KIRREL3: variants seen among roughly 807,000 people sequenced by gnomAD.
KIRREL3 encodes kirre like nephrin family adhesion molecule 3.
KIRREL3 carries 36 observed loss-of-function variants against 89.7 expected under a neutral mutation model. That is an observed-to-expected ratio of 0.40 (90% CI 0.31 to 0.53). The LOEUF (loss-of-function observed/expected upper bound fraction) is 0.53. Among genes scored for constraint, KIRREL3 ranks in the 20% least tolerant of loss-of-function variants. KIRREL3 has a pLI of 0.49. For missense variants in KIRREL3, 864 were observed against 1,056.6 expected (o/e 0.82, Z 2.53); for synonymous variants, 445 against 441.4 (o/e 1.01, Z -0.10).
At chr11:126,644,085 A>C (rs1052105050) in intron 1 of KIRREL3, among the ~76,000 whole-genome samples, 3 of 152,206 alleles carry the variant, frequency 2.0e-5, no homozygotes, top group Non-Finnish European at 2.9e-5. Flanking sequence ...TCAGCCTCAT[A>C]GGGTTAATGG....
intron 1 of KIRREL3, among the ~76,000 whole-genome samples, chr11:126,693,619 A>ACG (rs1449052516): frequency 6.6e-6 from 1 of 151,520 alleles, no homozygotes; most frequent in African/African-American, 2.4e-5. Context: ...ACACACACAC[A>ACG]CACACACACA....
intron 4 of KIRREL3, among the ~76,000 whole-genome samples, chr11:126,481,600 C>G (rs899428920): frequency 1.3e-5 from 2 of 152,234 alleles, no homozygotes; most frequent in African/African-American, 4.8e-5. Flanking sequence ...GGGGGTCTTT[C>G]TGGATTCCAC....
intron 4 of KIRREL3, among the ~76,000 whole-genome samples, chr11:126,504,931 A>G (rs554481719): frequency 1.3e-5 from 2 of 152,378 alleles, no homozygotes; most frequent in Admixed American, 1.3e-4. Flanking sequence ...AGATGCAGAA[A>G]AAAACATTTC....
intron 1 of KIRREL3, among the ~76,000 whole-genome samples, chr11:126,874,825 G>C (rs1000118243): frequency 6.6e-6 from 1 of 152,134 alleles, no homozygotes; most frequent in Non-Finnish European, 1.5e-5. Context: ...AACATCAAAG[G>C]TGAAGCAACG....
intron 4 of KIRREL3, among the ~76,000 whole-genome samples, chr11:126,511,707 C>T (rs777322774): frequency 1.7e-4 from 26 of 152,338 alleles, no homozygotes; most frequent in Admixed American, 8.5e-4. Flanking sequence ...CCTAAACTCC[C>T]TCTGAGGATG....
At position 126,817,431 on chromosome 11, in the gene KIRREL3, C is replaced by G. The variant is rs2134442423; in HGVS notation, c.55+183024G>C. Among the ~76,000 whole-genome samples the G allele has an allele frequency of 6.6e-6, 1 of 152,318 alleles. No homozygotes were observed. The highest frequency in any genetic ancestry group is 2.1e-4 in the South Asian group (1 of 4,824). On this transcript the variant is annotated intron_variant, in intron 1 of 16. Transcript: ENST00000525144. This position sits in a 1 kb window ranked among gnomAD's most constrained non-coding sequence, Gnocchi z 5.7. ...GCGAGTGACTGAGGGCTTCAGCTTC[C>G]TCATTGTGGGGGACAGAAGGGGATG... is the stretch of plus-strand genomic sequence containing the variant.
intron 1 of KIRREL3, among the ~76,000 whole-genome samples, chr11:126,700,064 C>T (rs547489821): frequency 3.9e-4 from 59 of 152,144 alleles, no homozygotes; most frequent in South Asian, 8.3e-4. Context: ...CGTGGTGGCT[C>T]ATGCCTGTGG....
At position 126,987,325 on chromosome 11, in the gene KIRREL3, T is replaced by TA. The variant is rs1411131557; in HGVS notation, c.55+13129dup. On this transcript the variant is annotated intron_variant, in intron 1 of 16. Transcript: ENST00000525144. The surrounding 1 kb of genome is among the most constrained non-coding windows in gnomAD (Gnocchi z 4.6). ...ATGAACAAGACTAAGACAATTTAACTAAAAAATACAACCGTCTATGTATTT... is the reference window on the plus strand; with the variant it reads ...ATGAACAAGACTAAGACAATTTAACTAAAAAAATACAACCGTCTATGTATTT... Among the ~76,000 whole-genome samples, 1 of 152,170 alleles carries TA rather than the reference T, an allele frequency of 6.6e-6. No homozygotes were observed. Among genetic ancestry groups the TA allele is most frequent in the Non-Finnish European group, 1.5e-5 (1 of 68,030 alleles).
chr11:126,768,983 G>A lies in KIRREL3; in HGVS notation c.56-206071C>T, dbSNP rs1949935206. Among the ~76,000 whole-genome samples, 1 of 152,192 alleles carries A rather than the reference G, an allele frequency of 6.6e-6. No homozygotes were observed. Among genetic ancestry groups the A allele is most frequent in the Non-Finnish European group, 1.5e-5 (1 of 68,042 alleles). On this transcript the variant is annotated intron_variant, in intron 1 of 16. Transcript: ENST00000525144. The surrounding 1 kb of genome is among the most constrained non-coding windows in gnomAD (Gnocchi z 4.5). ...TCTCAACATCTTTTTACATGATCACGACTTGCAGTTTCCCAAATACACATT... is the reference window on the plus strand; with the variant it reads ...TCTCAACATCTTTTTACATGATCACAACTTGCAGTTTCCCAAATACACATT...
At position 126,736,900 on chromosome 11, in the gene KIRREL3, T is replaced by C. The variant is rs572711834; in HGVS notation, c.56-173988A>G. On this transcript the variant is annotated intron_variant, in intron 1 of 16. Coordinates refer to ENST00000525144, the MANE Select transcript of KIRREL3 (RefSeq NM_032531.4). The surrounding 1 kb of genome is among the most constrained non-coding windows in gnomAD (Gnocchi z 5.0). ...CTCAAAGGGAGTGCCCCAGACTGGC[T>C]GTCACAAGCATGGTGTGGAAAGGTC... Among the ~76,000 whole-genome samples the C allele has an allele frequency of 9.2e-5, 14 of 152,298 alleles. No homozygotes were observed. The South Asian group carries it at 2.9e-3, about 32-fold the overall frequency.
rs1944620400 is a variant in KIRREL3 at position 126,645,210 on chromosome 11, A to T, written c.56-82298T>A. ...TGAAGGGATGCAGACTGACATCGTA[A>T]CAATTCAAATGCTAATGAAATATTC... On this transcript the variant is annotated intron_variant, in intron 1 of 16. Coordinates refer to ENST00000525144, the MANE Select transcript of KIRREL3 (RefSeq NM_032531.4). The surrounding 1 kb of genome is among the most constrained non-coding windows in gnomAD (Gnocchi z 4.9). Among the ~76,000 whole-genome samples, 1 of 152,224 alleles carries T rather than the reference A, an allele frequency of 6.6e-6. No homozygotes were observed. Among genetic ancestry groups the T allele is most frequent in the Admixed American group, 6.5e-5 (1 of 15,288 alleles).
intron 1 of KIRREL3, among the ~76,000 whole-genome samples, chr11:126,585,507 C>A (rs1161398971): frequency 6.8e-6 from 1 of 147,174 alleles, no homozygotes; most frequent in Non-Finnish European, 1.5e-5. Context: ...GTGTTGGAAT[C>A]ACAGGCATGA....
Position 126,610,003 on chromosome 11 carries a change from A to G in KIRREL3, c.56-47091T>C, listed in dbSNP as rs1245177040. ...CTTCCTTTTACAGATGAAGAAACTG[A>G]GGCTCAGGGAGGTTAAGTAAATGAG... On this transcript the variant is annotated intron_variant, in intron 1 of 16. Transcript: ENST00000525144. This position sits in a 1 kb window ranked among gnomAD's most constrained non-coding sequence, Gnocchi z 4.6. 1.3e-5 allele frequency among the ~76,000 whole-genome samples: 2 copies of G among 152,202 alleles called. No homozygotes were observed. The highest frequency in any genetic ancestry group is 2.9e-5 in the Non-Finnish European group (2 of 68,038).
In KIRREL3 at chr11:126,657,055, C is replaced by CAA. The variant is rs199814288; in HGVS notation, c.56-94145_56-94144dup. 3.4e-5 allele frequency among the ~76,000 whole-genome samples: 5 copies of CAA among 145,664 alleles called. No homozygotes were observed. In the South Asian group the frequency reaches 6.6e-4, roughly 19 times the overall value. ...TGGGCAATGGAGTGAGACTGTGTCT[C>CAA]AAAAAAAAAGAAACAAAAAAAAACA... On this transcript the variant is annotated intron_variant, in intron 1 of 16. Coordinates refer to ENST00000525144, the MANE Select transcript of KIRREL3 (RefSeq NM_032531.4).
In KIRREL3 at chr11:126,811,713, A is replaced by C. The variant is rs1331011704; in HGVS notation, c.55+188742T>G. Among the ~76,000 whole-genome samples the C allele has an allele frequency of 6.6e-6, 1 of 152,088 alleles. No individual in the cohort carries two copies. The highest frequency in any genetic ancestry group is 1.5e-5 in the Non-Finnish European group (1 of 68,012). On this transcript the variant is annotated intron_variant, in intron 1 of 16. Transcript: ENST00000525144. This position sits in a 1 kb window ranked among gnomAD's most constrained non-coding sequence, Gnocchi z 4.3. Reference sequence around the variant, plus strand: ...GAGATTACTCTGCTTCAGCCTCCCAAGTAGCGGGGATTACCGGCGCCTGCT... The same window carrying C: ...GAGATTACTCTGCTTCAGCCTCCCACGTAGCGGGGATTACCGGCGCCTGCT...
intron 1 of KIRREL3, among the ~76,000 whole-genome samples, chr11:126,597,168 C>T (rs1942435817): frequency 1.3e-5 from 2 of 152,344 alleles, no homozygotes; most frequent in South Asian, 4.1e-4. Context: ...CCCACCCAAT[C>T]AGAGCCCTTG....
rs543979320 is a variant in KIRREL3 at position 126,557,347 on chromosome 11, G to A, written c.133+5488C>T. Among the ~76,000 whole-genome samples the A allele has an allele frequency of 1.4e-3, 220 of 152,340 alleles. No individual in the cohort carries two copies. The highest frequency in any genetic ancestry group is 2.9e-3 in the Non-Finnish European group (196 of 68,028). ...CCAGTCTATTGACTTTTTTGTACTG[G>A]TTCCTTTGGTGACCAAGACATTTAA... is the stretch of plus-strand genomic sequence containing the variant. On this transcript the variant is annotated intron_variant, in intron 2 of 16. Coordinates refer to ENST00000525144, the MANE Select transcript of KIRREL3 (RefSeq NM_032531.4). The surrounding 1 kb of genome is among the most constrained non-coding windows in gnomAD (Gnocchi z 5.6).
At chr11:126,799,242 G>A (rs1385387447) in intron 1 of KIRREL3, among the ~76,000 whole-genome samples, 1 of 138,428 alleles carries the variant, frequency 7.2e-6, no homozygotes, top group Admixed American at 7.2e-5. Context: ...ATCTGTGTGT[G>A]GATGTGTGTA....
In KIRREL3 at chr11:126,999,149, A is replaced by AGTGTGTGTGTGT. The variant is rs56695003; in HGVS notation, c.55+1294_55+1305dup. ...AAGCACACAACCATATGAATACATG[A>AGTGTGTGTGTGT]GTGTGTGTGTGTGTGTGTGTGTACA... On this transcript the variant is annotated intron_variant, in intron 1 of 16. Transcript: ENST00000525144. The surrounding 1 kb of genome is among the most constrained non-coding windows in gnomAD (Gnocchi z 5.7). Among the ~76,000 whole-genome samples the AGTGTGTGTGTGT allele has an allele frequency of 8.5e-4, 120 of 141,342 alleles. No homozygotes were observed. Among genetic ancestry groups the AGTGTGTGTGTGT allele is most frequent in the African/African-American group, 2.6e-3 (102 of 39,612 alleles). The allele number at this position is 141,342 out of a possible 152,430, so 92.7% of individuals were successfully genotyped here.
Sources: allele counts gnomAD v4.1 joint callset (sites outside exome capture counted in the v4.1 genomes callset), GRCh38; gene constraint gnomAD v4.1.1; non-coding constraint Gnocchi (gnomAD v3.1); transcripts MANE v1.5; gene names NCBI Gene and HGNC (gene_info 2026-07-23, HGNC 2026-07-21).